Variants in INTS14 observed in about 807,000 individuals in gnomAD.
The protein encoded by INTS14 is UPF0464 protein C15orf44.
In INTS14, 27 loss-of-function variants were observed where a neutral mutation model predicts 56.9. That is an observed-to-expected ratio of 0.47 (90% CI 0.35 to 0.65). The LOEUF (loss-of-function observed/expected upper bound fraction) is 0.65, where lower values mean the gene tolerates loss of function less well. Among genes scored for constraint, INTS14 ranks in the 30% least tolerant of loss-of-function variants. INTS14 has a pLI of 0.00. For synonymous variants in INTS14, 207 were observed against 236.2 expected, an observed-to-expected ratio of 0.88 and a Z score of 1.13; for missense variants, 517 against 632.2, an observed-to-expected ratio of 0.82 and a Z score of 1.95.
chr15:65,605,812 C>G (rs1172205220), intron 2 of INTS14, among the ~76,000 whole-genome samples: 1 of 152,172 alleles, frequency 6.6e-6, no homozygotes, highest in Non-Finnish European at 1.5e-5. Context: ...AATTTCAGAA[C>G]TGCAGAACAT....
Position 65,599,008 on chromosome 15 carries a change from T to C in INTS14, c.487-18A>G. The C allele has an allele frequency of 6.2e-7, 1 of 1,601,194 alleles. No homozygotes were observed. Among genetic ancestry groups the C allele is most frequent in the Non-Finnish European group, 8.5e-7 (1 of 1,169,948 alleles). On this transcript the variant is annotated intron_variant, in intron 4 of 11. Transcript: ENST00000313182. ...CTCTGGAGCTATAAAGCAAAACAGA[T>C]GACCCTTAAAGTGGCTGGCACAAAA...
intron 1 of INTS14, 129 bp downstream of exon 1, chr15:65,610,969 G>A (rs1596281715): frequency 6.7e-7 from 1 of 1,487,222 alleles, no homozygotes; most frequent in Non-Finnish European, 8.9e-7. Context: ...CACAGACAGC[G>A]CGGGGCGGCC....
At chr15:65,597,682 T>G (rs1335175759) in intron 6 of INTS14, among the ~76,000 whole-genome samples, 1 of 152,188 alleles carries the variant, frequency 6.6e-6, no homozygotes, top group East Asian at 1.9e-4. Flanking sequence ...AGAGGAAGAC[T>G]TCCCAGGGTC....
Position 65,579,354 on chromosome 15 carries a change from C to T in INTS14, c.*54G>A. 6.3e-7 allele frequency: 1 copy of T among 1,583,294 alleles called. No individual in the cohort carries two copies. Among genetic ancestry groups the T allele is most frequent in the Non-Finnish European group, 8.6e-7 (1 of 1,161,138 alleles). On this transcript the variant is annotated 3_prime_UTR_variant, in exon 12 of 12. Transcript: ENST00000313182. ...GGTGAACATACTGGAAAGGTTTTTA[C>T]CTAAAGCATTTTCAGTTGAAATGAA...
chr15:65,581,133 A>G (rs1037284673), intron 11 of INTS14, among the ~76,000 whole-genome samples: 5 of 152,110 alleles, frequency 3.3e-5, no homozygotes, highest in African/African-American at 9.6e-5. Context: ...TAATCCCAGC[A>G]CTTTGGGAGG....
At chr15:65,604,790 A>AT (rs1326105823) in intron 3 of INTS14, among the ~76,000 whole-genome samples, 2 of 151,932 alleles carry the variant, frequency 1.3e-5, no homozygotes, top group Non-Finnish European at 2.9e-5. Context: ...AAGACAGGCT[A>AT]TATTATACTG....
chr15:65,600,128 G>T (rs1051103180), intron 3 of INTS14, among the ~76,000 whole-genome samples, 199 bp from the exon 4 acceptor site: 7 of 151,476 alleles, frequency 4.6e-5, no homozygotes, highest in South Asian at 2.1e-4. Context: ...AACATAAGGA[G>T]ACCCCATCTC....
intron 11 of INTS14, among the ~76,000 whole-genome samples, chr15:65,581,293 T>TCAC (rs1566915465): frequency 1.3e-4 from 19 of 142,714 alleles, no homozygotes; most frequent in African/African-American, 1.9e-4. Context: ...GGCAGGAGAA[T>TCAC]TGTTTGAGCC....
In INTS14 at chr15:65,599,781, A is replaced by C; in HGVS notation, c.479T>G (p.Leu160Trp). 1.9e-6 allele frequency: 3 copies of C among 1,613,544 alleles called. No homozygotes were observed. Among genetic ancestry groups the C allele is most frequent in the Non-Finnish European group, 2.5e-6 (3 of 1,179,780 alleles). The change falls in exon 4 of 12, where the codon TTG becomes TGG. Residue 160 changes from leucine to tryptophan, a missense_variant. Leu to Trp is a moderately conservative substitution (Grantham distance 61). Transcript: ENST00000313182. The part of the protein sequence containing the change: ...SKLYIMCMAN[L>W]EELQSTDSLE... ...CTTAGCAAAAGGTATTACCTCCTCC[A>C]AATTCGCCATGCACATGATATATAA...
At chr15:65,590,172 T>G (rs1194032413) in intron 9 of INTS14, among the ~76,000 whole-genome samples, 1 of 152,214 alleles carries the variant, frequency 6.6e-6, no homozygotes, top group Non-Finnish European at 1.5e-5. Flanking sequence ...TTTCCAGGAT[T>G]AACACAGTAA....
chr15:65,610,869 G>A, intron 1 of INTS14: 6 of 1,517,044 alleles, frequency 4.0e-6, no homozygotes, highest in Non-Finnish European at 5.3e-6. Context: ...GAGCTGAGCA[G>A]AGGGCGAAAT....
At chr15:65,594,801 G>T (rs2073156323) in intron 7 of INTS14, among the ~76,000 whole-genome samples, 1 of 152,032 alleles carries the variant, frequency 6.6e-6, no homozygotes, top group Non-Finnish European at 1.5e-5. Flanking sequence ...ATTCCCCAGG[G>T]CCTTAGAACT....
intron 9 of INTS14, among the ~76,000 whole-genome samples, chr15:65,589,993 A>T (rs1431742168): frequency 6.6e-6 from 1 of 152,112 alleles, no homozygotes; most frequent in Non-Finnish European, 1.5e-5. Context: ...TCTCTGTATT[A>T]TCTATTTCAA....
At position 65,595,751 on chromosome 15, in the gene INTS14, G is replaced by GT; in HGVS notation, c.822dup (p.Pro275ThrfsTer5). 1.9e-6 allele frequency: 3 copies of GT among 1,609,644 alleles called. No homozygotes were observed. Among genetic ancestry groups the GT allele is most frequent in the Non-Finnish European group, 2.5e-6 (3 of 1,178,496 alleles). The stretch of plus-strand genomic sequence containing the variant: ...AACTCACCTTTGTTAAGTGCTATAG[G>GT]TAAGACCAGATGTCTGGACAGAACT... On this transcript the variant is annotated frameshift_variant, in exon 7 of 12. Transcript: ENST00000313182. LOFTEE classifies it high-confidence loss of function.
At position 65,596,171 on chromosome 15, in the gene INTS14, C is replaced by T. The variant is rs960581766; in HGVS notation, c.749-346G>A. Among the ~76,000 whole-genome samples, 12 of 152,268 alleles carry T rather than the reference C, an allele frequency of 7.9e-5. 1 individual carries two copies. In the East Asian group the frequency reaches 1.3e-3, roughly 17 times the overall value. On this transcript the variant is annotated intron_variant, in intron 6 of 11. Transcript: ENST00000313182. ...AGGGGGCATCATAGTCAAACACTTC[C>T]GCAGCAACTACACTCAGCCTTTGAA...
chr15:65,588,539 G>C (rs1000090751), intron 9 of INTS14, among the ~76,000 whole-genome samples: 15 of 151,836 alleles, frequency 9.9e-5, no homozygotes, highest in Admixed American at 6.6e-5. Flanking sequence ...ATGGTGGCTT[G>C]TGCCTGTAGT....
At position 65,600,052 on chromosome 15, in the gene INTS14, A is replaced by G. The variant is rs1037228966; in HGVS notation, c.331-123T>C. The G allele has an allele frequency of 5.5e-6, 6 of 1,099,278 alleles. No individual in the cohort carries two copies. In the Admixed American group the frequency reaches 1.1e-4, roughly 21 times the overall value. The allele number at this position is 1,099,278 out of a possible 1,614,324, so 68.1% of individuals were successfully genotyped here. ...GCTGGCTATGGTGGCTCAAGCCTGTAATCCCAGTGCTTTGGGAGGCCAAGG... is the reference window on the plus strand; with the variant it reads ...GCTGGCTATGGTGGCTCAAGCCTGTGATCCCAGTGCTTTGGGAGGCCAAGG... On this transcript the variant is annotated intron_variant, in intron 3 of 11. Transcript: ENST00000313182.
chr15:65,603,415 G>A (rs540402783), intron 3 of INTS14, among the ~76,000 whole-genome samples: 5 of 152,198 alleles, frequency 3.3e-5, no homozygotes, highest in East Asian at 1.9e-4. Flanking sequence ...GTCCCAACAC[G>A]TCCCAGATTC....
At position 65,579,209 on chromosome 15, in the gene INTS14, G is replaced by A. The variant is rs2072483410; in HGVS notation, c.*199C>T. 4.6e-5 allele frequency: 29 copies of A among 630,562 alleles called. No homozygotes were observed. The South Asian group carries it at 6.4e-4, about 14-fold the overall frequency. The allele number at this position is 630,562 out of a possible 1,614,324, so 39.1% of individuals were successfully genotyped here. A position where few individuals can be genotyped will look rare whatever the true frequency, so the allele number is the denominator to read the frequency against. On this transcript the variant is annotated 3_prime_UTR_variant, in exon 12 of 12. Transcript: ENST00000313182. ...CAAGCTTAAAAATTATGAATCCCAG[G>A]AAGTTAAAGCCCAACCAGCCAACCA...
Sources: allele counts gnomAD v4.1 joint callset (sites outside exome capture counted in the v4.1 genomes callset), GRCh38; gene constraint gnomAD v4.1.1; transcripts MANE v1.5; gene names NCBI Gene and HGNC (gene_info 2026-07-23, HGNC 2026-07-21).